Variants in ZFHX3 observed in about 807,000 individuals in gnomAD.
ZFHX3 encodes the protein zinc finger homeobox protein 3.
A neutral mutation model predicts 279.1 loss-of-function variants in ZFHX3; 42 were observed. That is an observed-to-expected ratio of 0.15 (90% confidence interval 0.12 to 0.19). The LOEUF (loss-of-function observed/expected upper bound fraction) is 0.19. Among genes scored for constraint, ZFHX3 ranks in the 10% least tolerant of loss-of-function variants. The pLI, the probability that ZFHX3 is intolerant of heterozygous loss-of-function variation, is 1.00. For missense variants in ZFHX3, 4,981 were observed against 4,754.0 expected (o/e 1.05, Z -1.40); for synonymous variants, 2,293 against 1,957.8 (o/e 1.17, Z -4.52).
At chr16:72,869,602 A>G (rs1046627216) in intron 4 of ZFHX3, among the ~76,000 whole-genome samples, 1 of 152,162 alleles carries the variant, frequency 6.6e-6, no homozygotes, top group African/African-American at 2.4e-5. Flanking sequence ...CAGTCTTTCT[A>G]AAGTTCTGGC....
chr16:73,077,098 G>A (rs1235825224), intron 8 of ZFHX3, among the ~76,000 whole-genome samples: 2 of 152,136 alleles, frequency 1.3e-5, no homozygotes, highest in Non-Finnish European at 1.5e-5. Flanking sequence ...TAGGCCCCAG[G>A]ATAGGAGCTC....
intron 2 of ZFHX3, among the ~76,000 whole-genome samples, chr16:73,634,070 T>C (rs2052504459): frequency 6.6e-6 from 1 of 152,120 alleles, no homozygotes; most frequent in Admixed American, 6.5e-5. Context: ...TTTTTATTTA[T>C]ACAAATGAAC....
chr16:73,255,067 A>G (rs1426037937), intron 5 of ZFHX3, among the ~76,000 whole-genome samples: 1 of 152,218 alleles, frequency 6.6e-6, no homozygotes, highest in Non-Finnish European at 1.5e-5. Context: ...GTTTGGGCCC[A>G]GATGCAATGA....
chr16:73,183,110 C>T (rs1489255213), intron 5 of ZFHX3, among the ~76,000 whole-genome samples: 1 of 152,132 alleles, frequency 6.6e-6, no homozygotes, highest in Non-Finnish European at 1.5e-5. Flanking sequence ...GAGGCTGAGA[C>T]AGGAGAATTG....
chr16:73,843,482 G>A (rs888979338), intron 1 of ZFHX3, among the ~76,000 whole-genome samples: 1 of 152,232 alleles, frequency 6.6e-6, no homozygotes, highest in South Asian at 2.1e-4. Flanking sequence ...AAAGATGACA[G>A]GGTCTGGTCT....
intron 2 of ZFHX3, among the ~76,000 whole-genome samples, chr16:73,495,507 T>C (rs2143654412): frequency 6.6e-6 from 1 of 152,308 alleles, no homozygotes; most frequent in African/African-American, 2.4e-5. Context: ...AGCCAGGAAA[T>C]AGCAAAATTC....
chr16:72,827,435 G>A (rs746841868), intron 5 of ZFHX3, among the ~76,000 whole-genome samples: 3 of 152,218 alleles, frequency 2.0e-5, no homozygotes, highest in South Asian at 4.2e-4. Flanking sequence ...AAAGGTCAAG[G>A]TACCTTGAGT....
At chr16:73,021,615 G>C (rs1222601062) in intron 1 of ZFHX3, among the ~76,000 whole-genome samples, 1 of 151,990 alleles carries the variant, frequency 6.6e-6, no homozygotes, top group Non-Finnish European at 1.5e-5. Flanking sequence ...TAGATCACCT[G>C]AGGTCAGGAG....
intron 8 of ZFHX3, among the ~76,000 whole-genome samples, chr16:73,089,166 C>T (rs1481339781): frequency 2.0e-5 from 3 of 151,990 alleles, no homozygotes; most frequent in South Asian, 2.1e-4. Context: ...TGCAGTGACG[C>T]GATCTCAGCT....
At chr16:73,054,372 GC>G (rs1344875315) in intron 1 of ZFHX3, among the ~76,000 whole-genome samples, 3 of 66,092 alleles carry the variant, frequency 4.5e-5, no homozygotes, top group African/African-American at 6.0e-5. Context: ...CCCCACACCC[GC>G]CCCCCTACTT....
intron 3 of ZFHX3, among the ~76,000 whole-genome samples, chr16:72,916,102 TAAGC>T (rs1243124838): frequency 1.3e-5 from 2 of 152,218 alleles, no homozygotes; most frequent in African/African-American, 4.8e-5. Context: ...AAGATGTTTG[TAAGC>T]ACTTAGAAAA....
At chr16:73,483,759 C>T (rs1178961913) in intron 2 of ZFHX3, among the ~76,000 whole-genome samples, 1 of 152,010 alleles carries the variant, frequency 6.6e-6, no homozygotes, top group East Asian at 1.9e-4. Context: ...CGGAGGGTAA[C>T]CAAATTAGCC....
chr16:73,086,151 A>G (rs1966009945), intron 8 of ZFHX3, among the ~76,000 whole-genome samples: 1 of 152,228 alleles, frequency 6.6e-6, no homozygotes, highest in Non-Finnish European at 1.5e-5. Flanking sequence ...AATGCAAATC[A>G]AAACCACAAC....
intron 1 of ZFHX3, among the ~76,000 whole-genome samples, chr16:73,817,881 G>C (rs1295065188): frequency 6.6e-6 from 1 of 152,188 alleles, no homozygotes; most frequent in Non-Finnish European, 1.5e-5. Context: ...TTTATGAGTT[G>C]ATCATTTGTA....
chr16:73,237,228 C>T (rs1184275979), intron 5 of ZFHX3, among the ~76,000 whole-genome samples: 1 of 152,092 alleles, frequency 6.6e-6, no homozygotes, highest in Non-Finnish European at 1.5e-5. Context: ...CTCTTTAGAA[C>T]CCGTGACTTA....
intron 1 of ZFHX3, among the ~76,000 whole-genome samples, chr16:73,687,039 T>TTGC (rs2053094424): frequency 8.5e-6 from 1 of 116,992 alleles, no homozygotes; most frequent in African/African-American, 3.3e-5. Context: ...TATATATATA[T>TTGC]ATATATATAT....
chr16:72,878,547 C>T (rs984735346), intron 4 of ZFHX3, among the ~76,000 whole-genome samples: 2 of 152,260 alleles, frequency 1.3e-5, no homozygotes, highest in South Asian at 2.1e-4. Flanking sequence ...CCGAGGCACG[C>T]GCTCTGGAGT....
chr16:73,183,650 C>T (rs1244115852), intron 5 of ZFHX3, among the ~76,000 whole-genome samples: 2 of 152,178 alleles, frequency 1.3e-5, no homozygotes, highest in South Asian at 2.1e-4. Context: ...GAAAACTCTG[C>T]GCTATCCTTT....
intron 5 of ZFHX3, among the ~76,000 whole-genome samples, chr16:73,228,382 G>A (rs1211012574): frequency 6.6e-6 from 1 of 152,164 alleles, no homozygotes; most frequent in Non-Finnish European, 1.5e-5. Flanking sequence ...AGAAACCAAG[G>A]CCAGGCATGG....
Sources: allele counts gnomAD v4.1 joint callset (sites outside exome capture counted in the v4.1 genomes callset), GRCh38; gene constraint gnomAD v4.1.1; transcripts MANE v1.5; gene names NCBI Gene and HGNC (gene_info 2026-07-23, HGNC 2026-07-21).